Variants in BBIP1 observed in about 807,000 individuals in gnomAD.
The protein encoded by BBIP1 is BBSome-interacting protein 1.
A neutral mutation model predicts 8.9 loss-of-function variants in BBIP1; 6 were observed. The ratio of observed to expected loss-of-function variants is 0.67; its 90% CI spans 0.37 to 1.33. BBIP1 has a LOEUF of 1.33. Among genes scored for constraint, BBIP1 ranks in the 40% most tolerant of loss-of-function variants. BBIP1 has a pLI of 0.02. For missense variants in BBIP1, 111 were observed against 109.2 expected, an observed-to-expected ratio of 1.02 and a Z score of -0.07; for synonymous variants, 32 against 33.4, an observed-to-expected ratio of 0.96 and a Z score of 0.14.
chr10:110,907,228 T>C (rs964624298), intron 2 of BBIP1: 1 of 152,236 alleles, frequency 6.6e-6, no homozygotes. Flanking sequence ...AGAAAAATAA[T>C]TGGGGGACTG....
intron 3 of BBIP1, chr10:110,900,925 T>G: frequency 4.6e-6 from 1 of 217,548 alleles, no homozygotes; most frequent in South Asian, 5.7e-5. Context: ...TACTGTTGCT[T>G]CAGGTTTCTC....
intron 2 of BBIP1, among the ~76,000 whole-genome samples, chr10:110,913,069 A>G (rs1376751618): frequency 3.3e-5 from 5 of 152,174 alleles, no homozygotes; most frequent in Non-Finnish European, 7.3e-5. Flanking sequence ...TTATGTTTTA[A>G]ATGAAGTACA....
chr10:110,915,584 G>A (rs568644102), intron 2 of BBIP1, among the ~76,000 whole-genome samples: 1 of 152,174 alleles, frequency 6.6e-6, no homozygotes, highest in African/African-American at 2.4e-5. Context: ...GATTGCTTTA[G>A]AAGTTATTAA....
chr10:110,902,640 C>T (rs180826017), intron 2 of BBIP1: 2 of 152,210 alleles, frequency 1.3e-5, no homozygotes, highest in Non-Finnish European at 2.9e-5. Context: ...GCTTCCTACT[C>T]TGTATTCAAG....
chr10:110,901,350 G>A, intron 3 of BBIP1, 188 bp downstream of exon 3: 1 of 578,354 alleles, frequency 1.7e-6, no homozygotes, highest in Non-Finnish European at 3.1e-6. Context: ...TTAGGTATAA[G>A]AAACAATGTT....
intron 2 of BBIP1, among the ~76,000 whole-genome samples, chr10:110,910,329 G>C (rs1846246220): frequency 6.6e-6 from 1 of 152,170 alleles, no homozygotes; most frequent in Non-Finnish European, 1.5e-5. Flanking sequence ...GTGTGCACCA[G>C]GTATTGTGGT....
chr10:110,913,020 T>C (rs780967629), intron 2 of BBIP1, among the ~76,000 whole-genome samples: 64 of 152,208 alleles, frequency 4.2e-4, no homozygotes, highest in Admixed American at 1.4e-3. Context: ...AAGCTTATAC[T>C]AGAGTCTGTC....
At chr10:110,901,439 A>G in intron 3 of BBIP1, 99 bp downstream of exon 3, 1 of 787,780 alleles carries the variant, frequency 1.3e-6, no homozygotes, top group South Asian at 1.5e-5. Context: ...GGAACACAAT[A>G]GCTGCAGATG....
At chr10:110,900,626 G>A (rs558637148) in intron 3 of BBIP1, 100 bp from the exon 4 acceptor site, 42 of 1,002,610 alleles carry the variant, frequency 4.2e-5, no homozygotes, top group African/African-American at 2.1e-4. Context: ...TTAATCTCTT[G>A]TCACTGAAAA....
At chr10:110,919,364 A>T, upstream of BBIP1, 1 of 377,304 alleles carries the variant, frequency 2.7e-6, no homozygotes, top group Non-Finnish European at 4.7e-6. Flanking sequence ...GCGTAGAGGA[A>T]CTGAGGAAAG....
rs1433790643 is a variant in BBIP1, at chr10:110,901,576, T to G, written c.74A>C (p.Glu25Ala). 5 of 1,535,722 alleles carry G rather than the reference T, an allele frequency of 3.3e-6. No individual in the cohort carries two copies. Among genetic ancestry groups the G allele is most frequent in the Non-Finnish European group, 4.4e-6 (5 of 1,146,566 alleles). The change falls in exon 3 of 4, where the codon GAA (glutamate) becomes GCA (alanine). Residue 25 changes from glutamate to alanine, a missense_variant. Transcript: ENST00000448814. ...AACTTCCCGGAACATTGACTTCACTTCTGCCATATCTGAGTTGTTGGATAT... is the reference window on the plus strand; with the variant it reads ...AACTTCCCGGAACATTGACTTCACTGCTGCCATATCTGAGTTGTTGGATAT... ...NTISNNSDMAEVKSMFREVLP... is the reference protein window; with the variant it reads ...NTISNNSDMAAVKSMFREVLP...
At chr10:110,903,310 A>G (rs1435120551) in intron 2 of BBIP1, 1 of 152,260 alleles carries the variant, frequency 6.6e-6, no homozygotes, top group Admixed American at 6.5e-5. Flanking sequence ...GACAAAAACA[A>G]TGAAACTTGG....
intron 3 of BBIP1, chr10:110,900,950 G>A (rs541006810): frequency 8.8e-6 from 2 of 227,626 alleles, no homozygotes; most frequent in East Asian, 1.4e-4. Flanking sequence ...TCCACTTTCA[G>A]ACCTTATTTA....
chr10:110,918,294 T>G, intron 1 of BBIP1, 81 bp from the exon 2 acceptor site: 1 of 712,360 alleles, frequency 1.4e-6, no homozygotes, highest in Non-Finnish European at 2.3e-6. Context: ...ACACGTTGTT[T>G]AAGAAACTGT....
intron 2 of BBIP1, chr10:110,908,059 G>C (rs1564692315): frequency 3.3e-6 from 1 of 307,228 alleles, no homozygotes; most frequent in Non-Finnish European, 5.9e-6. Context: ...GGCATATGTA[G>C]TAAGATGCTA....
intron 2 of BBIP1, among the ~76,000 whole-genome samples, chr10:110,908,565 G>A (rs1480405340): frequency 6.6e-6 from 1 of 152,186 alleles, no homozygotes; most frequent in Non-Finnish European, 1.5e-5. Context: ...AAGGATGGGG[G>A]TGGAGGGAGA....
intron 2 of BBIP1, chr10:110,904,952 C>T (rs1262438675): frequency 1.3e-5 from 2 of 152,198 alleles, no homozygotes; most frequent in Admixed American, 1.3e-4. Flanking sequence ...AGTGTCAATT[C>T]ATCATTTTTT....
intron 2 of BBIP1, among the ~76,000 whole-genome samples, chr10:110,908,595 A>T (rs568637606): frequency 6.6e-6 from 1 of 152,342 alleles, no homozygotes; most frequent in Admixed American, 6.5e-5. Context: ...CACATAAGCG[A>T]AGAAGCATAA....
rs1439811981 is a variant in BBIP1, at chr10:110,898,959, A to T, written c.*1401T>A. The T allele has an allele frequency of 2.0e-5, 3 of 151,932 alleles. No homozygotes were observed. The highest frequency in any genetic ancestry group is 7.3e-5 in the African/African-American group (3 of 41,324). 9.4% of individuals were successfully genotyped at this position (151,932 alleles called of 1,614,324 possible). ...GCAGGTATCACTTTACTCCATTGTT[A>T]TCTGACCTAGAGCTTAATTAAGTTT... On this transcript the variant is annotated 3_prime_UTR_variant, in exon 4 of 4. Transcript: ENST00000448814.
Sources: allele counts gnomAD v4.1 joint callset (sites outside exome capture counted in the v4.1 genomes callset), GRCh38; gene constraint gnomAD v4.1.1; transcripts MANE v1.5; gene names NCBI Gene and HGNC (gene_info 2026-07-23, HGNC 2026-07-21).